ZNF469: variants seen among roughly 807,000 people sequenced by gnomAD.
ZNF469 encodes zinc finger protein 469.
A neutral mutation model predicts 1.0 loss-of-function variants in ZNF469; 1 was observed. That is an observed-to-expected ratio of 1.00 (90% confidence interval 0.35 to 4.73). ZNF469 has a LOEUF of 4.73. Ranked by LOEUF, ZNF469 falls within the 30% of genes most tolerant of loss-of-function variation. The pLI is 0.16. For synonymous variants in ZNF469, 2,703 were observed against 2,363.4 expected, an observed-to-expected ratio of 1.14 and a Z score of -4.17; for missense variants, 6,100 against 5,356.3, an observed-to-expected ratio of 1.14 and a Z score of -4.33.
rs549031654 is a variant in ZNF469, at chr16:88,438,026, C to T, written c.10556C>T (p.Thr3519Ile). The T allele has an allele frequency of 6.5e-7, 1 of 1,550,088 alleles. No individual in the cohort carries two copies. The highest frequency in any genetic ancestry group is 2.0e-5 in the Admixed American group (1 of 51,008). Residue 3519 changes from threonine (T) to isoleucine (I), a missense_variant, in exon 3 of 3, where the codon ACC becomes ATC. Coordinates refer to ENST00000565624, the MANE Select transcript of ZNF469 (RefSeq NM_001367624.2). The stretch of plus-strand genomic sequence containing the variant: ...CTGTGTTCGGAGGTGGCTCCCAGCA[C>T]CACCAAGGGATGGCCCGAGACCCTA... ...LHLCSEVAPSTTKGWPETLER... is the reference protein window; with the variant it reads ...LHLCSEVAPSITKGWPETLER...
At chr16:88,327,073 C>T in the ZNF469 span, among the ~76,000 whole-genome samples, 2 of 152,222 alleles carry the variant, frequency 1.3e-5, no homozygotes, top group African/African-American at 4.8e-5. Flanking sequence ...TCCTCAGCAT[C>T]TGCTGTGGGA....
the ZNF469 span, chr16:88,192,111 G>A: frequency 2.6e-5 from 4 of 152,156 alleles, no homozygotes; most frequent in Non-Finnish European, 5.9e-5. Flanking sequence ...AGTCAGGAAG[G>A]GCCCTCATCA....
the ZNF469 span, among the ~76,000 whole-genome samples, chr16:88,322,294 C>A: frequency 6.6e-6 from 1 of 152,238 alleles, no homozygotes; most frequent in Non-Finnish European, 1.5e-5. Flanking sequence ...CACCTGAGGC[C>A]CCACGGCCGC....
At chr16:88,378,135 G>A (rs2092513789), upstream of ZNF469, among the ~76,000 whole-genome samples, 1 of 152,028 alleles carries the variant, frequency 6.6e-6, no homozygotes, top group Non-Finnish European at 1.5e-5. Context: ...TAGCCTCTAG[G>A]GGCCAGCTCT....
the ZNF469 span, among the ~76,000 whole-genome samples, chr16:88,148,231 G>A: frequency 5.3e-5 from 8 of 152,252 alleles, no homozygotes; most frequent in South Asian, 6.2e-4. Flanking sequence ...GGGCAGAGGC[G>A]TGTGGTGTTT....
chr16:88,117,864 T>C, the ZNF469 span, among the ~76,000 whole-genome samples: 1 of 152,146 alleles, frequency 6.6e-6, no homozygotes, highest in Non-Finnish European at 1.5e-5. Flanking sequence ...GAGGCAGCTA[T>C]GGCAAAGGGA....
At chr16:88,423,370 T>C (rs1905568419) in intron 1 of ZNF469, among the ~76,000 whole-genome samples, 1 of 151,640 alleles carries the variant, frequency 6.6e-6, no homozygotes, top group African/African-American at 2.4e-5. Context: ...TCCCAGTGGC[T>C]TCCTGCAGTT....
upstream of ZNF469, among the ~76,000 whole-genome samples, chr16:88,382,667 C>T (rs1251518634): frequency 1.3e-5 from 2 of 152,186 alleles, no homozygotes; most frequent in Non-Finnish European, 2.9e-5. Context: ...GAGCGCAGGC[C>T]AGGGATGGAG....
At chr16:88,167,558 C>A in the ZNF469 span, among the ~76,000 whole-genome samples, 1 of 152,222 alleles carries the variant, frequency 6.6e-6, no homozygotes, top group Non-Finnish European at 1.5e-5. Context: ...CTGCACTGGA[C>A]GCCTGCAAGT....
At chr16:88,259,512 C>T in the ZNF469 span, among the ~76,000 whole-genome samples, 3 of 152,296 alleles carry the variant, frequency 2.0e-5, no homozygotes, top group East Asian at 1.9e-4. This position sits in a 1 kb window ranked among gnomAD's most constrained non-coding sequence, Gnocchi z 4.1. Flanking sequence ...CTGTTCATTT[C>T]GTCAGGAAAT....
At chr16:88,398,615 A>G (rs1449604269) in intron 1 of ZNF469, among the ~76,000 whole-genome samples, 1 of 145,020 alleles carries the variant, frequency 6.9e-6, no homozygotes. Context: ...CATGTGAGCC[A>G]TGGATGAAGG....
chr16:88,318,079 G>A, the ZNF469 span, among the ~76,000 whole-genome samples: 2 of 152,322 alleles, frequency 1.3e-5, no homozygotes, highest in East Asian at 1.9e-4. Context: ...GTCCCCATGA[G>A]GAGAGGGACC....
At chr16:88,121,462 C>A in the ZNF469 span, among the ~76,000 whole-genome samples, 1 of 152,206 alleles carries the variant, frequency 6.6e-6, no homozygotes, top group Non-Finnish European at 1.5e-5. Flanking sequence ...CAGTGAACTT[C>A]CAGAATGAAA....
chr16:88,151,089 A>AG, the ZNF469 span, among the ~76,000 whole-genome samples: 2 of 152,276 alleles, frequency 1.3e-5, no homozygotes, highest in Non-Finnish European at 2.9e-5. The surrounding 1 kb of genome is among the most constrained non-coding windows in gnomAD (Gnocchi z 5.4). Flanking sequence ...GAAGCCCCAC[A>AG]GGGGGCAGCT....
intron 1 of ZNF469, among the ~76,000 whole-genome samples, chr16:88,414,039 C>T (rs1473860482): frequency 2.6e-5 from 4 of 152,200 alleles, no homozygotes; most frequent in Non-Finnish European, 5.9e-5. Flanking sequence ...CCTCAGCATC[C>T]GAGCTTTCCC....
chr16:88,314,131 TGCTGGTGTGG>T, the ZNF469 span, among the ~76,000 whole-genome samples: 4 of 138,168 alleles, frequency 2.9e-5, no homozygotes, highest in Non-Finnish European at 3.3e-5. Context: ...ATTCAGGCAG[TGCTGGTGTGG>T]ACTGTCATCT....
rs1276351852 is a variant in ZNF469 at position 88,429,590 on chromosome 16, G to A, written c.2120G>A (p.Arg707His). ...CGGGGAGGGCTGCAGGGCTTCCCCCGTGCGCCGCCTCCGTACCCCACACAC... is the reference window on the plus strand; with the variant it reads ...CGGGGAGGGCTGCAGGGCTTCCCCCATGCGCCGCCTCCGTACCCCACACAC... ...VGRGGLQGFP[R>H]APPPYPTHHF... The change falls in exon 3 of 3, where the codon CGT becomes CAT. Residue 707 changes from arginine (R) to histidine (H), a missense_variant. Transcript: ENST00000565624. The A allele has an allele frequency of 6.5e-6, 10 of 1,549,404 alleles. 1 individual carries two copies. The South Asian group carries it at 8.3e-5, about 13-fold the overall frequency.
the ZNF469 span, among the ~76,000 whole-genome samples, chr16:88,219,953 C>T: frequency 6.6e-6 from 1 of 152,194 alleles, no homozygotes; most frequent in Non-Finnish European, 1.5e-5. Context: ...AGACATTGCT[C>T]CCCTTCCTGG....
chr16:88,223,233 C>T, the ZNF469 span, among the ~76,000 whole-genome samples: 1 of 152,144 alleles, frequency 6.6e-6, no homozygotes, highest in Admixed American at 6.5e-5. Context: ...GGGCCGTTTC[C>T]TCTATTCTGT....
Sources: gnomAD v4.1 joint callset for allele counts (sites outside exome capture counted in the v4.1 genomes callset) on GRCh38, gnomAD v4.1.1 for gene constraint, Gnocchi (gnomAD v3.1) non-coding constraint, MANE v1.5 for transcripts, NCBI Gene and HGNC (gene_info 2026-07-23, HGNC 2026-07-21) for gene names.